The following SHQ1 variants were observed in gnomAD, a reference collection of about 807,000 sequenced individuals.
SHQ1 encodes SHQ1, H/ACA ribonucleoprotein assembly factor.
SHQ1 carries 49 observed loss-of-function variants against 53.8 expected under a neutral mutation model. The observed-to-expected ratio is 0.91, with a 90% CI of 0.72 to 1.16. The LOEUF (loss-of-function observed/expected upper bound fraction) is 1.16, where lower values mean the gene tolerates loss of function less well. Ranked by LOEUF, SHQ1 falls within the 50% of genes most tolerant of loss-of-function variation. SHQ1 has a pLI of 0.00. For missense variants in SHQ1, 738 were observed against 683.1 expected (o/e 1.08, Z -0.90); for synonymous variants, 243 against 251.0 (o/e 0.97, Z 0.30).
chr3:72,725,464 T>G, the SHQ1 span, among the ~76,000 whole-genome samples: 1 of 152,166 alleles, frequency 6.6e-6, no homozygotes, highest in Non-Finnish European at 1.5e-5. Context: ...TGCTTCTTTC[T>G]TGTCCCCTCA....
chr3:72,815,211 G>C (rs1707273954), intron 8 of SHQ1, 139 bp downstream of exon 8: 2 of 673,308 alleles, frequency 3.0e-6, no homozygotes, highest in Non-Finnish European at 5.0e-6. Flanking sequence ...TTATTAAAAA[G>C]ATGGAAAACA....
intron 10 of SHQ1, among the ~76,000 whole-genome samples, chr3:72,774,477 T>C (rs887535482): frequency 6.6e-6 from 1 of 152,006 alleles, no homozygotes; most frequent in African/African-American, 2.4e-5. Flanking sequence ...AACAATGATA[T>C]AATTCTCTGG....
intron 4 of SHQ1, among the ~76,000 whole-genome samples, chr3:72,840,242 T>TAA (rs71623990): frequency 2.6e-4 from 24 of 93,568 alleles, no homozygotes; most frequent in South Asian, 6.9e-4. Context: ...GACTCTGTCT[T>TAA]AAAAAAAAAA....
In SHQ1 at chr3:72,812,859, T is replaced by C. The variant is rs554020696; in HGVS notation, c.937-65A>G. ...ATGTTACACAAACAAAAGTACACAA[T>C]GAAATAGGAAGCTTTTCTCATTTAA... On this transcript the variant is annotated intron_variant, in intron 8 of 10. Transcript: ENST00000325599. 1,279 of 1,582,206 alleles carry C rather than the reference T, an allele frequency of 8.1e-4. 1 individual carries two copies. Among genetic ancestry groups the C allele is most frequent in the Non-Finnish European group, 1.0e-3 (1,179 of 1,158,086 alleles).
At chr3:72,804,094 A>T (rs181839775) in intron 9 of SHQ1, among the ~76,000 whole-genome samples, 226 of 149,264 alleles carry the variant, frequency 1.5e-3, no homozygotes, top group African/African-American at 5.4e-3. Flanking sequence ...TTTAAAAAAC[A>T]TTTTTTTTTT....
chr3:72,822,298 C>T (rs1354338682), intron 6 of SHQ1, among the ~76,000 whole-genome samples: 2 of 152,130 alleles, frequency 1.3e-5, no homozygotes. Flanking sequence ...AATGAATCAC[C>T]ATAATGGCTT....
At chr3:72,728,696 T>C in the SHQ1 span, among the ~76,000 whole-genome samples, 3 of 152,216 alleles carry the variant, frequency 2.0e-5, no homozygotes, top group Non-Finnish European at 4.4e-5. Flanking sequence ...GGAGCTTCCA[T>C]TGCCTCACCT....
the SHQ1 span, among the ~76,000 whole-genome samples, chr3:72,726,911 A>G: frequency 8.6e-4 from 131 of 152,322 alleles, no homozygotes; most frequent in Middle Eastern, 3.4e-3. Flanking sequence ...TTTGTGTTAT[A>G]GGCAAAAATC....
At chr3:72,747,648 G>A (rs556235243), downstream of SHQ1, among the ~76,000 whole-genome samples, 5 of 152,308 alleles carry the variant, frequency 3.3e-5, no homozygotes, top group Non-Finnish European at 7.4e-5. Context: ...GAGAACGCTG[G>A]ATATCTGGAG....
At chr3:72,832,340 A>C in intron 5 of SHQ1, 29 bp downstream of exon 5, 1 of 1,491,488 alleles carries the variant, frequency 6.7e-7, no homozygotes, top group Non-Finnish European at 9.3e-7. Flanking sequence ...CAAGTAAATT[A>C]TTTAATCCTC....
At chr3:72,767,249 A>T (rs1705750108) in intron 10 of SHQ1, among the ~76,000 whole-genome samples, 2 of 152,228 alleles carry the variant, frequency 1.3e-5, no homozygotes, top group Non-Finnish European at 2.9e-5. Context: ...TTCAGAAGCA[A>T]AAACCTGCCC....
At chr3:72,839,691 T>C (rs1416763159) in intron 4 of SHQ1, among the ~76,000 whole-genome samples, 1 of 152,168 alleles carries the variant, frequency 6.6e-6, no homozygotes, top group African/African-American at 2.4e-5. Context: ...AGAACCCAGG[T>C]CTTTTCCCTC....
intron 10 of SHQ1, among the ~76,000 whole-genome samples, chr3:72,774,492 A>G (rs950953809): frequency 3.3e-5 from 5 of 152,218 alleles, no homozygotes; most frequent in African/African-American, 1.2e-4. Context: ...CTCTGGCAGA[A>G]ATGCAATTAA....
chr3:72,764,436 T>C lies in SHQ1; in HGVS notation c.1182-13600A>G, dbSNP rs139640910. Among the ~76,000 whole-genome samples the C allele has an allele frequency of 2.5e-4, 38 of 152,308 alleles. No homozygotes were observed. The East Asian group carries it at 6.4e-3, about 26-fold the overall frequency. ...AACAGTTCTGACAAGTGGTCGTCTA[T>C]AGAAAATCAAACTTGGGAAAGTGTA... is the stretch of plus-strand genomic sequence containing the variant. On this transcript the variant is annotated intron_variant, in intron 10 of 10. Coordinates refer to ENST00000325599, the MANE Select transcript of SHQ1 (RefSeq NM_018130.3).
At chr3:72,814,387 T>C (rs190052640) in intron 8 of SHQ1, 17 of 152,382 alleles carry the variant, frequency 1.1e-4, no homozygotes, top group Non-Finnish European at 2.2e-4. Context: ...CGTAGAGATC[T>C]TGCTACAAAT....
chr3:72,822,953 T>C (rs550296846), intron 6 of SHQ1, among the ~76,000 whole-genome samples: 1 of 151,976 alleles, frequency 6.6e-6, no homozygotes, highest in African/African-American at 2.4e-5. Flanking sequence ...ATCGAGACCA[T>C]CCTGGCTAAC....
chr3:72,847,711 G>C (rs1347831571), intron 1 of SHQ1, among the ~76,000 whole-genome samples: 2 of 152,018 alleles, frequency 1.3e-5, no homozygotes, highest in African/African-American at 4.8e-5. Context: ...GTCCAAAAAA[G>C]GTAAGAATTT....
intron 2 of SHQ1, among the ~76,000 whole-genome samples, chr3:72,843,935 C>T (rs943338055): frequency 2.6e-5 from 4 of 152,168 alleles, no homozygotes; most frequent in African/African-American, 9.7e-5. Context: ...ATTCAATTAG[C>T]CTTTAAATGC....
chr3:72,790,375 T>C (rs1338340401), intron 10 of SHQ1, among the ~76,000 whole-genome samples: 1 of 152,246 alleles, frequency 6.6e-6, no homozygotes, highest in Non-Finnish European at 1.5e-5. Context: ...GCTGTTTTTG[T>C]GCTAGTCAGA....
Sources: gnomAD v4.1 joint callset for allele counts (sites outside exome capture counted in the v4.1 genomes callset) on GRCh38, gnomAD v4.1.1 for gene constraint, MANE v1.5 for transcripts, NCBI Gene and HGNC (gene_info 2026-07-23, HGNC 2026-07-21) for gene names.